The following C10orf90 variants were observed in gnomAD, a reference collection of about 807,000 sequenced individuals.
The protein encoded by C10orf90 is (E2-independent) E3 ubiquitin-conjugating enzyme FATS.
C10orf90 carries 56 observed loss-of-function variants against 62.5 expected under a neutral mutation model. The observed-to-expected ratio is 0.90, with a 90% CI of 0.72 to 1.12. C10orf90 has a LOEUF of 1.12. Ranked by LOEUF, C10orf90 falls within the 50% of genes most tolerant of loss-of-function variation. C10orf90 has a pLI of 0.00. For missense variants in C10orf90, 970 were observed against 880.4 expected (o/e 1.10, Z -1.29); for synonymous variants, 386 against 340.4 (o/e 1.13, Z -1.47).
chr10:126,563,265 C>T (rs1864944543), intron 2 of C10orf90, among the ~76,000 whole-genome samples: 1 of 152,176 alleles, frequency 6.6e-6, no homozygotes, highest in South Asian at 2.1e-4. Flanking sequence ...CGCACGCCTG[C>T]CACCCCCACC....
intron 2 of C10orf90, chr10:126,521,169 C>T (rs1468684984): frequency 6.0e-6 from 6 of 997,710 alleles, no homozygotes; most frequent in Non-Finnish European, 8.8e-6. Context: ...TTTAGAGATA[C>T]CTGGTTCATC....
chr10:126,526,495 C>T (rs544160020), intron 2 of C10orf90, among the ~76,000 whole-genome samples: 7 of 152,252 alleles, frequency 4.6e-5, no homozygotes, highest in Non-Finnish European at 7.4e-5. Context: ...CCGCCCGCCT[C>T]GGCCTCCCAA....
At chr10:126,436,957 T>C (rs144510033) in intron 7 of C10orf90, among the ~76,000 whole-genome samples, 1 of 152,254 alleles carries the variant, frequency 6.6e-6, no homozygotes, top group East Asian at 1.9e-4. Flanking sequence ...AACCACTGTG[T>C]TGGGAATGGT....
chr10:126,584,692 A>T (rs1269152753), intron 2 of C10orf90, among the ~76,000 whole-genome samples: 1 of 152,154 alleles, frequency 6.6e-6, no homozygotes, highest in Non-Finnish European at 1.5e-5. Context: ...CCCCTCTCAG[A>T]ATCCCACTGA....
intron 2 of C10orf90, among the ~76,000 whole-genome samples, chr10:126,564,259 C>G (rs563010759): frequency 6.6e-6 from 1 of 152,170 alleles, no homozygotes; most frequent in South Asian, 2.1e-4. Context: ...GGCTTTGTAA[C>G]CATCCAGATG....
chr10:126,650,024 A>G (rs1248064650), intron 1 of C10orf90, among the ~76,000 whole-genome samples: 1 of 152,028 alleles, frequency 6.6e-6, no homozygotes, highest in African/African-American at 2.4e-5. Flanking sequence ...AGGGAGGGAA[A>G]GGGCAGAGTT....
At chr10:126,477,998 G>A (rs1860979101) in intron 4 of C10orf90, among the ~76,000 whole-genome samples, 1 of 152,162 alleles carries the variant, frequency 6.6e-6, no homozygotes, top group Non-Finnish European at 1.5e-5. Flanking sequence ...CCCAGCGAGA[G>A]CATGAATAAA....
At chr10:126,438,071 C>G (rs997841236) in intron 7 of C10orf90, among the ~76,000 whole-genome samples, 1 of 152,166 alleles carries the variant, frequency 6.6e-6, no homozygotes, top group Non-Finnish European at 1.5e-5. Flanking sequence ...TTGTGCTGGG[C>G]ACCAAGTGGC....
intron 2 of C10orf90, among the ~76,000 whole-genome samples, chr10:126,590,978 C>T (rs923823641): frequency 2.6e-5 from 4 of 152,098 alleles, no homozygotes; most frequent in Non-Finnish European, 5.9e-5. Flanking sequence ...CATACACCCT[C>T]CCAAGACTGA....
At chr10:126,494,393 ACT>A (rs1362090847) in intron 4 of C10orf90, among the ~76,000 whole-genome samples, 1 of 152,216 alleles carries the variant, frequency 6.6e-6, no homozygotes, top group East Asian at 1.9e-4. Flanking sequence ...CTCAAGGTTG[ACT>A]CTGAATTTTA....
In C10orf90 at chr10:126,504,586, A is replaced by C; in HGVS notation, c.905T>G (p.Val302Gly). 6.2e-7 allele frequency: 1 copy of C among 1,614,108 alleles called. No individual in the cohort carries two copies. The highest frequency in any genetic ancestry group is 8.5e-7 in the Non-Finnish European group (1 of 1,180,024). The change falls in exon 4 of 10, where the codon GTG becomes GGG. Residue 302 changes from valine (V) to glycine (G), a missense_variant. By Grantham distance (109) the Val-to-Gly change is moderately radical. Transcript: ENST00000488181. This position sits in a 1 kb window ranked among gnomAD's most constrained non-coding sequence, Gnocchi z 4.1. The part of the protein sequence containing the change: ...CTEFSRNSSV[V>G]RLKVPEAHTG... ...GTGGGCCTCGGGAACCTTCAGCCGC[A>C]CCACGGAGCTGTTTCTGGAGAACTC...
intron 7 of C10orf90, among the ~76,000 whole-genome samples, chr10:126,441,367 T>C (rs1403524791): frequency 6.6e-6 from 1 of 151,942 alleles, no homozygotes; most frequent in Non-Finnish European, 1.5e-5. Context: ...AAACAAAGCC[T>C]CCAAGAAGTC....
At chr10:126,629,888 GA>G (rs1297195146) in intron 2 of C10orf90, among the ~76,000 whole-genome samples, 16 of 151,244 alleles carry the variant, frequency 1.1e-4, no homozygotes, top group Non-Finnish European at 2.2e-4. Context: ...AGGGTGGTGG[GA>G]GGGTGGGGTC....
At chr10:126,525,182 C>T (rs1020626898) in intron 2 of C10orf90, among the ~76,000 whole-genome samples, 1 of 152,142 alleles carries the variant, frequency 6.6e-6, no homozygotes, top group East Asian at 1.9e-4. Context: ...TAGTTCAGGA[C>T]TGGTGAACAA....
At chr10:126,641,112 T>C (rs891771398) in intron 2 of C10orf90, among the ~76,000 whole-genome samples, 1 of 152,172 alleles carries the variant, frequency 6.6e-6, no homozygotes, top group African/African-American at 2.4e-5. Context: ...CTTCTATACC[T>C]TGTTAACAGA....
At position 126,625,986 on chromosome 10, in the gene C10orf90, G is replaced by T. The variant is rs898153203; in HGVS notation, c.313+20579C>A. 2.0e-5 allele frequency among the ~76,000 whole-genome samples: 3 copies of T among 152,012 alleles called. No individual in the cohort carries two copies. The South Asian group carries it at 6.2e-4, about 32-fold the overall frequency. ...AAAAATAAAATAAAATAAAATAGCC[G>T]GGTATGGTGGCAGATGCCTGTAATC... On this transcript the variant is annotated intron_variant, in intron 2 of 9. Transcript: ENST00000488181.
intron 2 of C10orf90, among the ~76,000 whole-genome samples, chr10:126,602,676 G>A (rs1173074583): frequency 2.0e-5 from 3 of 151,796 alleles, no homozygotes; most frequent in Non-Finnish European, 4.4e-5. Context: ...TGCTCTGATA[G>A]TAGAGGCAAT....
intron 2 of C10orf90, chr10:126,524,726 T>A (rs1157580366): frequency 1.0e-6 from 1 of 985,402 alleles, no homozygotes; most frequent in Non-Finnish European, 1.2e-6. Context: ...AGGCAAGGAG[T>A]GCACGCACCT....
chr10:126,666,082 A>T (rs1191469451), intron 1 of C10orf90, among the ~76,000 whole-genome samples: 2 of 152,200 alleles, frequency 1.3e-5, no homozygotes, highest in African/African-American at 4.8e-5. Context: ...ATTAGCCCAC[A>T]TCAGGGTTTC....
Sources: allele counts gnomAD v4.1 joint callset (sites outside exome capture counted in the v4.1 genomes callset), GRCh38; gene constraint gnomAD v4.1.1; non-coding constraint Gnocchi (gnomAD v3.1); transcripts MANE v1.5; gene names NCBI Gene and HGNC (gene_info 2026-07-23, HGNC 2026-07-21).